ATP8A1: variants seen among roughly 807,000 people sequenced by gnomAD.
ATP8A1 encodes ATPase phospholipid transporting 8A1, also known as phospholipid-transporting ATPase IA.
Under a neutral mutation model 177.7 loss-of-function variants are expected in ATP8A1, and 90 were observed. The observed-to-expected ratio is 0.51, with a 90% CI of 0.43 to 0.60. The LOEUF (loss-of-function observed/expected upper bound fraction) is 0.60, where lower values mean the gene tolerates loss of function less well. Ranked by LOEUF, ATP8A1 falls within the 20% of genes least tolerant of loss-of-function variation. ATP8A1 has a pLI of 0.00. For missense variants in ATP8A1, 1,072 were observed against 1,392.8 expected (o/e 0.77, Z 3.67); for synonymous variants, 493 against 485.9 (o/e 1.01, Z -0.19).
At chr4:42,533,983 A>C (rs1474631294) in intron 20 of ATP8A1, among the ~76,000 whole-genome samples, 1 of 152,092 alleles carries the variant, frequency 6.6e-6, no homozygotes, top group Non-Finnish European at 1.5e-5. Context: ...GAGAACACCA[A>C]ATCAAGGGAG....
At chr4:42,445,591 C>T (rs76217116) in intron 31 of ATP8A1, among the ~76,000 whole-genome samples, 6,297 of 152,114 alleles carry the variant, frequency 0.041, 169 homozygotes, top group South Asian at 0.059. Flanking sequence ...CTTGAAGTGC[C>T]CAGTTCTACT....
intron 15 of ATP8A1, among the ~76,000 whole-genome samples, chr4:42,563,008 C>A (rs139688021): frequency 6.6e-6 from 1 of 152,124 alleles, no homozygotes; most frequent in Non-Finnish European, 1.5e-5. Flanking sequence ...AGTGGGGCAC[C>A]GCTGAAAAGA....
chr4:42,443,753 CTTA>C (rs769852292), intron 32 of ATP8A1, 81 bp from the exon 33 acceptor site: 3 of 679,860 alleles, frequency 4.4e-6, no homozygotes, highest in South Asian at 1.7e-5. Flanking sequence ...CTCAAATTCC[CTTA>C]TTAACTTTTT....
chr4:42,480,648 T>C (rs1721580507), intron 25 of ATP8A1, among the ~76,000 whole-genome samples: 1 of 152,238 alleles, frequency 6.6e-6, no homozygotes, highest in Admixed American at 6.5e-5. Context: ...GATGTGCCTT[T>C]ATTTAATGCA....
Position 42,569,161 on chromosome 4 carries a change from C to T in ATP8A1, c.1340G>A (p.Trp447Ter). Residue 447 changes from tryptophan to a stop codon, truncating the protein, a stop_gained and splice_region_variant, in exon 15 of 37, where the codon TGG (tryptophan) becomes TAG (stop). Coordinates refer to ENST00000381668, the MANE Select transcript of ATP8A1 (RefSeq NM_006095.2). LOFTEE classifies it high-confidence loss of function. ...AGGCAGAAAGTTCCATAGAGCTTAC[C>T]ATTCATCAGGAGAGCAGCCATAATC... The part of the protein sequence containing the change: ...PEDYGCSPDE[W>*]QNSQFGDEKT... 1 of 1,601,216 alleles carries T rather than the reference C, an allele frequency of 6.2e-7. No homozygotes were observed. Among genetic ancestry groups the T allele is most frequent in the Non-Finnish European group, 8.5e-7 (1 of 1,173,440 alleles).
Position 42,444,635 on chromosome 4 carries a change from C to T in ATP8A1, c.2959-1G>A. Reference sequence around the variant, plus strand: ...TCAAACACACAGTTATCACCACAAACTAAAACAGAAGGGGAAAATGTTATT... The same window carrying T: ...TCAAACACACAGTTATCACCACAAATTAAAACAGAAGGGGAAAATGTTATT... On this transcript the variant is annotated splice_acceptor_variant, in intron 31 of 36. Transcript: ENST00000381668. LOFTEE classifies it high-confidence loss of function. 1 of 1,613,664 alleles carries T rather than the reference C, an allele frequency of 6.2e-7. No homozygotes were observed. The highest frequency in any genetic ancestry group is 8.5e-7 in the Non-Finnish European group (1 of 1,179,766).
intron 5 of ATP8A1, among the ~76,000 whole-genome samples, chr4:42,612,926 A>AG: frequency 6.6e-6 from 1 of 152,332 alleles, no homozygotes; most frequent in East Asian, 1.9e-4. Context: ...CATTTGATTG[A>AG]GAAAAAAATG....
intron 4 of ATP8A1, 118 bp downstream of exon 4, chr4:42,624,418 T>C: frequency 2.0e-6 from 1 of 511,538 alleles, no homozygotes; most frequent in Non-Finnish European, 3.3e-6. Flanking sequence ...CATTTTGAAG[T>C]TGAATGGATA....
chr4:42,574,538 T>C, intron 14 of ATP8A1, 81 bp downstream of exon 14: 1 of 1,144,938 alleles, frequency 8.7e-7, no homozygotes, highest in Non-Finnish European at 1.3e-6. Flanking sequence ...TACCCTCCCC[T>C]AATAAGAACT....
At chr4:42,604,773 C>A (rs1014721363) in intron 5 of ATP8A1, among the ~76,000 whole-genome samples, 7 of 152,084 alleles carry the variant, frequency 4.6e-5, no homozygotes, top group African/African-American at 1.7e-4. Context: ...TAGAAACAAC[C>A]CACATGTCTA....
chr4:42,554,114 GA>G (rs1041952003), intron 16 of ATP8A1, among the ~76,000 whole-genome samples: 2 of 152,152 alleles, frequency 1.3e-5, no homozygotes, highest in African/African-American at 4.8e-5. Context: ...ATAGTGAGGG[GA>G]CTTGATTTCC....
chr4:42,419,591 C>A (rs1713632831), intron 35 of ATP8A1, among the ~76,000 whole-genome samples: 1 of 152,112 alleles, frequency 6.6e-6, no homozygotes, highest in Admixed American at 6.5e-5. Context: ...AGGGGAACAG[C>A]AAATGCAAAG....
intron 12 of ATP8A1, among the ~76,000 whole-genome samples, chr4:42,576,506 A>AAAAAAAC: frequency 7.0e-6 from 1 of 142,452 alleles, no homozygotes; most frequent in Non-Finnish European, 1.5e-5. Context: ...AAAAAAAAAA[A>AAAAAAAC]GAGCATAGTT....
At chr4:42,617,930 T>C (rs1269772976) in intron 4 of ATP8A1, among the ~76,000 whole-genome samples, 3 of 152,342 alleles carry the variant, frequency 2.0e-5, no homozygotes, top group Middle Eastern at 3.4e-3. Context: ...ATCTAACTTT[T>C]GTGTCTTGAT....
At chr4:42,575,776 G>C in intron 12 of ATP8A1, 77 bp from the exon 13 acceptor site, 1 of 1,182,596 alleles carries the variant, frequency 8.5e-7, no homozygotes, top group Non-Finnish European at 1.2e-6. Flanking sequence ...AAAACAATTA[G>C]TATATTCGTA....
chr4:42,652,898 G>C (rs576434165), intron 1 of ATP8A1, among the ~76,000 whole-genome samples: 43 of 145,874 alleles, frequency 2.9e-4, no homozygotes, highest in African/African-American at 1.0e-3. Flanking sequence ...AGCAGCCTAA[G>C]AGCGGACTAA....
intron 5 of ATP8A1, among the ~76,000 whole-genome samples, chr4:42,603,455 G>T (rs1204608142): frequency 6.6e-6 from 1 of 151,886 alleles, no homozygotes; most frequent in Non-Finnish European, 1.5e-5. Flanking sequence ...GTTTGGGTAT[G>T]GTTTTTTTAA....
chr4:42,506,956 C>T (rs1724423599), intron 23 of ATP8A1, 60 bp downstream of exon 23: 1 of 1,550,268 alleles, frequency 6.5e-7, no homozygotes, highest in African/African-American at 1.4e-5. Context: ...AATCCATCTT[C>T]TGAACTACAT....
intron 6 of ATP8A1, among the ~76,000 whole-genome samples, chr4:42,597,231 T>C (rs886173377): frequency 3.3e-5 from 5 of 152,210 alleles, no homozygotes; most frequent in African/African-American, 9.6e-5. Flanking sequence ...TCTATCATAT[T>C]ACCTTGGCAT....
Sources: allele counts gnomAD v4.1 joint callset (sites outside exome capture counted in the v4.1 genomes callset), GRCh38; gene constraint gnomAD v4.1.1; transcripts MANE v1.5; gene names NCBI Gene and HGNC (gene_info 2026-07-23, HGNC 2026-07-21).